CATSPERG: variants seen among roughly 807,000 people sequenced by gnomAD.
The protein encoded by CATSPERG is catsper channel auxiliary subunit gamma, also known as cation channel sperm-associated auxiliary subunit gamma.
A neutral mutation model predicts 145.0 loss-of-function variants in CATSPERG; 115 were observed. The observed-to-expected ratio is 0.79, with a 90% confidence interval of 0.68 to 0.93. The LOEUF is 0.93. Among genes scored for constraint, CATSPERG ranks in the 40% least tolerant of loss-of-function variants. The probability of loss-of-function intolerance (pLI) is 0.00; values close to 1 mark genes in which losing one functional copy is unlikely to be tolerated. For missense variants in CATSPERG, 1,296 were observed against 1,490.1 expected (o/e 0.87, Z 2.14); for synonymous variants, 588 against 589.0 (o/e 1.00, Z 0.02).
At chr19:38,346,367 C>T (rs1301707425) in intron 6 of CATSPERG, 83 bp from the exon 7 acceptor site, 6 of 1,329,824 alleles carry the variant, frequency 4.5e-6, no homozygotes, top group African/African-American at 4.5e-5. Flanking sequence ...CTTGTGGGTC[C>T]AGGTCAGGCC....
At chr19:38,366,653 G>T in intron 22 of CATSPERG, 1 of 155,210 alleles carries the variant, frequency 6.4e-6, no homozygotes, top group Non-Finnish European at 1.4e-5. Context: ...AACAGGGTGG[G>T]GGCAAAGGAG....
At chr19:38,349,421 C>G (rs143381793) in intron 7 of CATSPERG, 1 of 152,222 alleles carries the variant, frequency 6.6e-6, no homozygotes, top group Non-Finnish European at 1.5e-5. Flanking sequence ...CATGAGCCAC[C>G]GTGCCCAGCC....
At position 38,362,420 on chromosome 19, in the gene CATSPERG, C is replaced by T. The variant is rs768129659; in HGVS notation, c.2202C>T (p.Gly734=). The change falls in exon 19 of 29, where the codon GGC becomes GGT. Residue 734 remains glycine (G), a synonymous_variant. Transcript: ENST00000409235. ...FLASNWRSAG[G]VSIEMDSYEK... is the part of the protein sequence containing the mutation. ...CGAGCAATTGGCGAAGCGCGGGCGG[C>T]GTGTCCATAGAAATGGACAGCTACG... 2 of 1,614,112 alleles carry T rather than the reference C, an allele frequency of 1.2e-6. No homozygotes were observed. Among genetic ancestry groups the T allele is most frequent in the Non-Finnish European group, 1.7e-6 (2 of 1,180,032 alleles).
chr19:38,352,195 G>T lies in CATSPERG; in HGVS notation c.826-66G>T, dbSNP rs763331703. 6 of 1,487,350 alleles carry T rather than the reference G, an allele frequency of 4.0e-6. No individual in the cohort carries two copies. In the Admixed American group the frequency reaches 8.1e-5, roughly 20 times the overall value. 92.1% of individuals were successfully genotyped at this position (1,487,350 alleles called of 1,614,324 possible). A position where few individuals can be genotyped will look rare whatever the true frequency, so the allele number is the denominator to read the frequency against. ...CAGCTGTCAGAGCAGGAGCTTCCCC[G>T]CAAGGCAGGACATGGGGGCTGAGGC... On this transcript the variant is annotated intron_variant, in intron 7 of 28. Coordinates refer to ENST00000409235, the MANE Select transcript of CATSPERG (RefSeq NM_021185.5).
chr19:38,365,702 TTTTTTTG>T (rs1445920602), intron 22 of CATSPERG: 3 of 151,598 alleles, frequency 2.0e-5, no homozygotes, highest in Admixed American at 6.6e-5. Context: ...AGGGCCGTTT[TTTTTTTG>T]TTTTTTGTTT....
intron 9 of CATSPERG, 32 bp from the exon 10 acceptor site, chr19:38,356,452 G>A (rs1322377668): frequency 1.2e-6 from 2 of 1,610,852 alleles, no homozygotes; most frequent in Non-Finnish European, 8.5e-7. Flanking sequence ...GGAGGGAGAG[G>A]GCCTGAACAT....
chr19:38,358,107 TC>T (rs1568378921), intron 11 of CATSPERG, 170 bp from the exon 12 acceptor site: 1 of 636,932 alleles, frequency 1.6e-6, no homozygotes, highest in Non-Finnish European at 2.8e-6. Context: ...GACAGGGAGA[TC>T]CTGTCTCAGG....
chr19:38,345,326 G>A (rs1040746577), intron 6 of CATSPERG, among the ~76,000 whole-genome samples: 5 of 151,882 alleles, frequency 3.3e-5, no homozygotes, highest in East Asian at 1.9e-4. Flanking sequence ...GCAGGGGAAC[G>A]ACCTCGTCAG....
chr19:38,338,455 A>G (rs1969882167), intron 3 of CATSPERG, among the ~76,000 whole-genome samples: 3 of 152,180 alleles, frequency 2.0e-5, no homozygotes. Context: ...GCCTTGTTCC[A>G]GGTTTTTAAA....
At chr19:38,336,423 A>G (rs555114653) in intron 1 of CATSPERG, 38 of 331,998 alleles carry the variant, frequency 1.1e-4, no homozygotes, top group African/African-American at 7.2e-4. Flanking sequence ...CGGGTCCATA[A>G]AGACCAAGTG....
Position 38,367,290 on chromosome 19 carries a change from G to A in CATSPERG, c.2748G>A (p.Met916Ile). Residue 916 changes from methionine to isoleucine, a missense_variant, in exon 23 of 29, where the codon ATG becomes ATA. By Grantham distance (10) the Met-to-Ile change is conservative (BLOSUM62 1). Transcript: ENST00000409235. Reference protein sequence around the residue: ...YFDCVNVNPEMPCFLFRDIFY... With the variant: ...YFDCVNVNPEIPCFLFRDIFY... ...ACTGCGTTAACGTGAACCCGGAGAT[G>A]CCCTGCTTTCTCTTCCGGGACAGTG... 1.9e-6 allele frequency: 3 copies of A among 1,612,876 alleles called. No individual in the cohort carries two copies. Among genetic ancestry groups the A allele is most frequent in the Non-Finnish European group, 1.7e-6 (2 of 1,179,916 alleles).
intron 7 of CATSPERG, among the ~76,000 whole-genome samples, chr19:38,349,950 C>T (rs1292428859): frequency 1.3e-5 from 2 of 152,170 alleles, no homozygotes; most frequent in African/African-American, 4.8e-5. Context: ...CAGGTGTGAG[C>T]CACCGCACCC....
chr19:38,348,477 GT>G (rs113503852), intron 7 of CATSPERG, among the ~76,000 whole-genome samples: 13,669 of 117,970 alleles, frequency 0.12, 757 homozygotes, highest in East Asian at 0.34. Context: ...TTTTTTTTTT[GT>G]TTTTTTTTTT....
At chr19:38,359,407 G>A in intron 13 of CATSPERG, 63 bp from the exon 14 acceptor site, 1 of 1,047,236 alleles carries the variant, frequency 9.5e-7, no homozygotes, top group Non-Finnish European at 1.5e-6. Context: ...CGTGTTATTA[G>A]GCCTGGGATT....
Position 38,363,596 on chromosome 19 carries a change from G to T in CATSPERG, c.2475+764G>T, listed in dbSNP as rs112876475. 2.0e-5 allele frequency among the ~76,000 whole-genome samples: 3 copies of T among 151,400 alleles called. No homozygotes were observed. The South Asian group carries it at 6.3e-4, about 32-fold the overall frequency. On this transcript the variant is annotated intron_variant, in intron 20 of 28. Coordinates refer to ENST00000409235, the MANE Select transcript of CATSPERG (RefSeq NM_021185.5). ...GAACAAAGGTCTCTGGTTTTCCTAG[G>T]CAGAGGACCCTGGGGCCTTCCGCAG...
chr19:38,349,248 G>A (rs573610379), intron 7 of CATSPERG: 1 of 151,814 alleles, frequency 6.6e-6, no homozygotes, highest in African/African-American at 2.4e-5. Context: ...CCTCCTACCT[G>A]AGCCTCCCTA....
intron 19 of CATSPERG, 57 bp from the exon 20 acceptor site, chr19:38,362,657 G>A (rs2302183): frequency 0.16 from 256,940 of 1,603,502 alleles, 21,726 homozygotes; most frequent in Admixed American, 0.24. Context: ...GGACACCATC[G>A]GAGGGGCGGG....
intron 6 of CATSPERG, among the ~76,000 whole-genome samples, chr19:38,344,747 CATACATATATAGTACATACCTGT>C (rs1970000936): frequency 8.9e-6 from 1 of 112,668 alleles, no homozygotes. Context: ...CATACCTGTA[CATACATATATAGTACATACCTGT>C]ACATACATAT....
chr19:38,351,900 CA>C (rs1970148396), intron 7 of CATSPERG, among the ~76,000 whole-genome samples: 1 of 152,112 alleles, frequency 6.6e-6, no homozygotes, highest in Non-Finnish European at 1.5e-5. Context: ...GAGCCAGATC[CA>C]GCCTTTAAAA....
Sources: gnomAD v4.1 joint callset for allele counts (sites outside exome capture counted in the v4.1 genomes callset) on GRCh38, gnomAD v4.1.1 for gene constraint, MANE v1.5 for transcripts, NCBI Gene and HGNC (gene_info 2026-07-23, HGNC 2026-07-21) for gene names.